Variants in FREM2 observed in about 807,000 individuals in gnomAD.
FREM2 encodes the protein FRAS1-related extracellular matrix protein 2.
Under a neutral mutation model 219.9 loss-of-function variants are expected in FREM2, and 119 were observed. The observed-to-expected ratio is 0.54, with a 90% CI of 0.47 to 0.63. The LOEUF is 0.63. Among genes scored for constraint, FREM2 ranks in the 30% least tolerant of loss-of-function variants. The pLI is 0.00. For synonymous variants in FREM2, 1,562 were observed against 1,522.8 expected, an observed-to-expected ratio of 1.03 and a Z score of -0.60; for missense variants, 4,030 against 3,993.6, an observed-to-expected ratio of 1.01 and a Z score of -0.25.
intron 6 of FREM2, chr13:38,822,203 T>G (rs1480529312): frequency 6.6e-6 from 1 of 152,098 alleles, no homozygotes; most frequent in Admixed American, 6.6e-5. Flanking sequence ...AGCTTTCTTT[T>G]TACACCTTAT....
chr13:38,836,120 A>G (rs1481561659), intron 6 of FREM2, among the ~76,000 whole-genome samples: 2 of 152,224 alleles, frequency 1.3e-5, no homozygotes, highest in Non-Finnish European at 2.9e-5. Context: ...TGTTCCATCA[A>G]TACCTAGTTT....
chr13:38,764,461 T>C lies in FREM2; in HGVS notation c.5410+11T>C. 1 of 1,441,434 alleles carries C rather than the reference T, an allele frequency of 6.9e-7. No individual in the cohort carries two copies. The highest frequency in any genetic ancestry group is 9.6e-7 in the Non-Finnish European group (1 of 1,039,472). 89.3% of individuals were successfully genotyped at this position (1,441,434 alleles called of 1,614,324 possible). ...AAACTTCTTTTATAAGTAAGTTTAA[T>C]TTTTTATTTCTGTTTTAAAATTTTA... On this transcript the variant is annotated intron_variant, in intron 3 of 23. Transcript: ENST00000280481.
chr13:38,885,378 A>G lies in FREM2; in HGVS notation c.*4591A>G, dbSNP rs1327868101. 2.6e-5 allele frequency: 4 copies of G among 152,164 alleles called. No homozygotes were observed. The highest frequency in any genetic ancestry group is 2.6e-4 in the Admixed American group (4 of 15,274). The allele number at this position is 152,164 out of a possible 1,614,324, so 9.4% of individuals were successfully genotyped here. A position where few individuals can be genotyped will look rare whatever the true frequency, so the allele number is the denominator to read the frequency against. On this transcript the variant is annotated 3_prime_UTR_variant, in exon 24 of 24. Coordinates refer to ENST00000280481, the MANE Select transcript of FREM2 (RefSeq NM_207361.6). ...CAGTATCTTTCTTCCCTATCTTTCA[A>G]GCACATTTAATTTCTTTCCCCTGGT...
chr13:38,695,574 C>T (rs1326999876), intron 1 of FREM2, among the ~76,000 whole-genome samples: 1 of 152,102 alleles, frequency 6.6e-6, no homozygotes, highest in African/African-American at 2.4e-5. Flanking sequence ...CTAGTAGAGC[C>T]TTTAGATTTT....
At chr13:38,843,912 C>G (rs1001786152) in intron 6 of FREM2, among the ~76,000 whole-genome samples, 26 of 151,154 alleles carry the variant, frequency 1.7e-4, no homozygotes, top group African/African-American at 6.3e-4. Flanking sequence ...CTTATGGAAA[C>G]TACTGAATGT....
intron 6 of FREM2, among the ~76,000 whole-genome samples, chr13:38,823,128 G>T (rs199742632): frequency 1.3e-5 from 2 of 151,888 alleles, no homozygotes; most frequent in Non-Finnish European, 1.5e-5. Context: ...ATGAGTACTG[G>T]ATTCCTTCCT....
In FREM2 at chr13:38,803,702, A is replaced by C. The variant is rs184178347; in HGVS notation, c.6019+18894A>C. On this transcript the variant is annotated intron_variant, in intron 6 of 23. Coordinates refer to ENST00000280481, the MANE Select transcript of FREM2 (RefSeq NM_207361.6). ...TTGTGTGACAACCCGCAGGGGTTTT[A>C]GCTAAAGTGGCTTGCTTCCTGGACC... 2.0e-5 allele frequency among the ~76,000 whole-genome samples: 3 copies of C among 150,144 alleles called. No homozygotes were observed. In the East Asian group the frequency reaches 5.8e-4, roughly 29 times the overall value.
intron 16 of FREM2, among the ~76,000 whole-genome samples, chr13:38,868,302 T>A (rs537500229): frequency 6.6e-6 from 1 of 152,374 alleles, no homozygotes; most frequent in Admixed American, 6.5e-5. Context: ...CAATGATAGT[T>A]GTAATAGCTT....
At chr13:38,861,364 TA>T in intron 14 of FREM2, 66 bp from the exon 15 acceptor site, 1 of 1,536,854 alleles carries the variant, frequency 6.5e-7, no homozygotes, top group East Asian at 2.2e-5. Context: ...TCCTATTTTC[TA>T]AAACATTCTT....
intron 2 of FREM2, among the ~76,000 whole-genome samples, chr13:38,739,710 C>T (rs1688868434): frequency 6.6e-6 from 1 of 152,138 alleles, no homozygotes; most frequent in African/African-American, 2.4e-5. Context: ...GACGGAGAGC[C>T]TTAAAACTAG....
intron 2 of FREM2, among the ~76,000 whole-genome samples, chr13:38,720,691 T>G (rs1593364549): frequency 1.9e-5 from 2 of 103,738 alleles, no homozygotes; most frequent in Non-Finnish European, 5.3e-5. Context: ...TTGAAGATGC[T>G]GAGAAGGGTT....
At chr13:38,851,558 G>A (rs1274222703) in intron 10 of FREM2, 128 bp from the exon 11 acceptor site, 2 of 761,314 alleles carry the variant, frequency 2.6e-6, no homozygotes, top group Non-Finnish European at 4.5e-6. Context: ...TTTTGAGTGA[G>A]GGGACAGAGA....
chr13:38,828,168 T>C (rs1371969853), intron 6 of FREM2, among the ~76,000 whole-genome samples: 1 of 152,136 alleles, frequency 6.6e-6, no homozygotes, highest in Admixed American at 6.6e-5. Context: ...GCTGTCTTAC[T>C]TCCTTTTCAA....
At chr13:38,742,144 A>G (rs1872273936) in intron 2 of FREM2, among the ~76,000 whole-genome samples, 1 of 152,230 alleles carries the variant, frequency 6.6e-6, no homozygotes, top group South Asian at 2.1e-4. Context: ...TATCTCTAAC[A>G]GGTATTGAGC....
At chr13:38,842,789 T>C (rs899317451) in intron 6 of FREM2, among the ~76,000 whole-genome samples, 1 of 152,186 alleles carries the variant, frequency 6.6e-6, no homozygotes, top group Non-Finnish European at 1.5e-5. Flanking sequence ...AGAACTTAAA[T>C]TGTTTCTCTT....
chr13:38,762,069 G>A (rs1873247821), intron 2 of FREM2, among the ~76,000 whole-genome samples: 1 of 152,180 alleles, frequency 6.6e-6, no homozygotes, highest in Non-Finnish European at 1.5e-5. Context: ...TGGCGTGGCA[G>A]GGCAGAGTGA....
At chr13:38,725,190 C>T (rs1042395793) in intron 2 of FREM2, among the ~76,000 whole-genome samples, 8 of 152,090 alleles carry the variant, frequency 5.3e-5, no homozygotes, top group South Asian at 2.1e-4. Context: ...TTCATTTATT[C>T]GTTCATTGCT....
intron 6 of FREM2, among the ~76,000 whole-genome samples, chr13:38,813,551 CTCTCTCTCTCTCTATATATA>C (rs1875619680): frequency 3.2e-5 from 1 of 31,712 alleles, no homozygotes; most frequent in African/African-American, 1.6e-4. Flanking sequence ...CTCTCTCTCT[CTCTCTCTCTCTCTATATATA>C]TATATATATA....
chr13:38,735,697 A>G (rs896992120), intron 2 of FREM2, among the ~76,000 whole-genome samples: 71 of 152,186 alleles, frequency 4.7e-4, no homozygotes, highest in African/African-American at 1.5e-3. Context: ...TGTTACTCCT[A>G]AAACAGAGTG....
Sources: allele counts gnomAD v4.1 joint callset (sites outside exome capture counted in the v4.1 genomes callset), GRCh38; gene constraint gnomAD v4.1.1; transcripts MANE v1.5; gene names NCBI Gene and HGNC (gene_info 2026-07-23, HGNC 2026-07-21).